The following IFNAR1 variants were observed in gnomAD, a reference collection of about 807,000 sequenced individuals.
IFNAR1 encodes the protein interferon alpha and beta receptor subunit 1.
In IFNAR1, 47 loss-of-function variants were observed where a neutral mutation model predicts 62.1. The observed-to-expected ratio is 0.76, with a 90% CI of 0.60 to 0.97. IFNAR1 has a LOEUF of 0.97. IFNAR1 is among the 50% of genes least tolerant of loss of function. The pLI is 0.00. For synonymous variants in IFNAR1, 219 were observed against 226.9 expected, an observed-to-expected ratio of 0.97 and a Z score of 0.31; for missense variants, 638 against 654.5, an observed-to-expected ratio of 0.97 and a Z score of 0.27.
At position 33,328,852 on chromosome 21, in the gene IFNAR1, T is replaced by G. The variant is rs185233422; in HGVS notation, c.76+3721T>G. On this transcript the variant is annotated intron_variant, in intron 1 of 10. Transcript: ENST00000270139. Reference sequence around the variant, plus strand: ...TATATATATTAGATTAAATGTCCATTTATACATTTACATGTGGGGTAATTA... The same window carrying G: ...TATATATATTAGATTAAATGTCCATGTATACATTTACATGTGGGGTAATTA... Among the ~76,000 whole-genome samples the G allele has an allele frequency of 4.5e-4, 69 of 152,234 alleles. 1 individual carries two copies. The East Asian group carries it at 0.012, about 27-fold the overall frequency.
chr21:33,339,449 A>G (rs898148675), intron 2 of IFNAR1, among the ~76,000 whole-genome samples: 2 of 152,208 alleles, frequency 1.3e-5, no homozygotes, highest in Non-Finnish European at 2.9e-5. Context: ...TTCAGCAACA[A>G]AATTATTTTG....
intron 1 of IFNAR1, among the ~76,000 whole-genome samples, chr21:33,331,566 G>A (rs910763735): frequency 6.6e-6 from 1 of 152,158 alleles, no homozygotes; most frequent in Admixed American, 6.5e-5. Flanking sequence ...ACACTCTGAG[G>A]AGTGGAGTCA....
chr21:33,328,211 G>A (rs17875770), intron 1 of IFNAR1, among the ~76,000 whole-genome samples: 18,249 of 152,064 alleles, frequency 0.12, 1,841 homozygotes, highest in African/African-American at 0.27. Flanking sequence ...TGTGGCCCAC[G>A]GAAGCAAAAA....
chr21:33,344,979 G>T (rs1044178786), intron 5 of IFNAR1, among the ~76,000 whole-genome samples: 4 of 151,908 alleles, frequency 2.6e-5, no homozygotes, highest in Non-Finnish European at 4.4e-5. Context: ...GTAGAAATGG[G>T]GTTTCACCAT....
chr21:33,344,956 T>G lies in IFNAR1; in HGVS notation c.674-290T>G, dbSNP rs575386838. On this transcript the variant is annotated intron_variant, in intron 5 of 10. Coordinates refer to ENST00000270139, the MANE Select transcript of IFNAR1 (RefSeq NM_000629.3). ...GCGTGTGCCATCATGCCTGGCTAAT[T>G]TTTGTATTTTTAGTAGAAATGGGGT... 1.4e-3 allele frequency among the ~76,000 whole-genome samples: 220 copies of G among 151,954 alleles called. 2 individuals carry two copies. Among genetic ancestry groups the G allele is most frequent in the African/African-American group, 5.1e-3 (213 of 41,416 alleles).
intron 2 of IFNAR1, among the ~76,000 whole-genome samples, chr21:33,338,791 G>A (rs1440562161): frequency 6.6e-6 from 1 of 150,812 alleles, no homozygotes. Flanking sequence ...TGCCCAGGCT[G>A]GAGTGCAATG....
At position 33,343,540 on chromosome 21, in the gene IFNAR1, G is replaced by C. The variant is rs777409115; in HGVS notation, c.537G>C (p.Arg179Ser). ...IWKNSSGVEE[R>S]IENIYSRHKI... ...AACTTATATTTGTGTTATAGGAAAG[G>C]ATTGAAAATATTTATTCCAGACATA... is the stretch of plus-strand genomic sequence containing the variant. The change falls in exon 5 of 11, where the codon AGG becomes AGC. Residue 179 changes from arginine (R) to serine (S), a missense_variant. Coordinates refer to ENST00000270139, the MANE Select transcript of IFNAR1 (RefSeq NM_000629.3). 2 of 1,535,734 alleles carry C rather than the reference G, an allele frequency of 1.3e-6. No homozygotes were observed. Among genetic ancestry groups the C allele is most frequent in the Non-Finnish European group, 1.8e-6 (2 of 1,114,318 alleles).
chr21:33,336,708 A>G (rs1380265886), intron 2 of IFNAR1, among the ~76,000 whole-genome samples: 1 of 147,428 alleles, frequency 6.8e-6, no homozygotes, highest in South Asian at 2.1e-4. Flanking sequence ...AGGCTTTCCT[A>G]TTATCTCCAT....
chr21:33,342,076 A>G (rs777284140), intron 3 of IFNAR1, among the ~76,000 whole-genome samples: 1 of 152,210 alleles, frequency 6.6e-6, no homozygotes, highest in Non-Finnish European at 1.5e-5. Context: ...TACAGCCCAC[A>G]TAAATAATGG....
At chr21:33,337,851 T>C (rs1286211135) in intron 2 of IFNAR1, among the ~76,000 whole-genome samples, 1 of 152,008 alleles carries the variant, frequency 6.6e-6, no homozygotes, top group Non-Finnish European at 1.5e-5. Context: ...AAATTTTTTA[T>C]CTCTAGAGAT....
chr21:33,353,028 T>G, intron 9 of IFNAR1, 120 bp downstream of exon 9: 8 of 564,798 alleles, frequency 1.4e-5, no homozygotes, highest in East Asian at 3.2e-5. Flanking sequence ...ATAGAAAGAA[T>G]GTTTTCTTCA....
chr21:33,355,603 G>T lies in IFNAR1; in HGVS notation c.*54G>T. 3.2e-6 allele frequency: 3 copies of T among 933,536 alleles called. No individual in the cohort carries two copies. The South Asian group carries it at 5.4e-5, about 17-fold the overall frequency. The allele number at this position is 933,536 out of a possible 1,614,324, so 57.8% of individuals were successfully genotyped here. Reference sequence around the variant, plus strand: ...TTTTTCAGCAGGAGTTACACTGGGAGCCTGAGGTCCTCACCTTCCTCTCAG... The same window carrying T: ...TTTTTCAGCAGGAGTTACACTGGGATCCTGAGGTCCTCACCTTCCTCTCAG... On this transcript the variant is annotated 3_prime_UTR_variant, in exon 11 of 11. Coordinates refer to ENST00000270139, the MANE Select transcript of IFNAR1 (RefSeq NM_000629.3).
rs770390659 is a variant in IFNAR1, at chr21:33,325,040, C to T, written c.-16C>T. On this transcript the variant is annotated 5_prime_UTR_variant, in exon 1 of 11. Transcript: ENST00000270139. ...TGCGCGAACATGTAACTGGTGGGAT[C>T]TGCGGCGGCTCCCAGATGATGGTCG... is the stretch of plus-strand genomic sequence containing the variant. 1 of 1,583,724 alleles carries T rather than the reference C, an allele frequency of 6.3e-7. No homozygotes were observed. Among genetic ancestry groups the T allele is most frequent in the East Asian group, 2.3e-5 (1 of 43,362 alleles).
intron 2 of IFNAR1, among the ~76,000 whole-genome samples, chr21:33,339,945 A>G (rs1037849940): frequency 6.6e-5 from 10 of 151,460 alleles, no homozygotes; most frequent in Admixed American, 2.6e-4. Context: ...AAAAAAAAAA[A>G]AAAAAGAAAT....
chr21:33,335,597 C>T lies in IFNAR1; in HGVS notation c.150C>T (p.Asn50=), dbSNP rs1471220497. 1.2e-6 allele frequency: 2 copies of T among 1,607,002 alleles called. No individual in the cohort carries two copies. The highest frequency in any genetic ancestry group is 1.7e-5 in the Admixed American group (1 of 59,192). ...IIDDNFILRW[N]RSDESVGNVT... ...ATGACAACTTTATCCTGAGGTGGAACAGGAGCGATGAGTCTGTCGGGAATG... is the reference window on the plus strand; with the variant it reads ...ATGACAACTTTATCCTGAGGTGGAATAGGAGCGATGAGTCTGTCGGGAATG... Residue 50 remains asparagine (N), a synonymous_variant, in exon 2 of 11, where the codon AAC becomes AAT. Coordinates refer to ENST00000270139, the MANE Select transcript of IFNAR1 (RefSeq NM_000629.3).
intron 6 of IFNAR1, 37 bp from the exon 7 acceptor site, chr21:33,349,054 A>T (rs2083375364): frequency 7.7e-7 from 1 of 1,303,630 alleles, no homozygotes; most frequent in Non-Finnish European, 1.1e-6. Context: ...ATACTTAATA[A>T]ATATCTAATG....
intron 6 of IFNAR1, among the ~76,000 whole-genome samples, chr21:33,346,368 G>A (rs191658383): frequency 3.9e-5 from 6 of 152,260 alleles, no homozygotes; most frequent in East Asian, 1.9e-4. Flanking sequence ...TGTAAGTACC[G>A]CTATGATCAA....
intron 1 of IFNAR1, among the ~76,000 whole-genome samples, chr21:33,332,355 G>A (rs552298140): frequency 4.6e-5 from 7 of 152,222 alleles, no homozygotes; most frequent in Non-Finnish European, 8.8e-5. Context: ...CACACCCTTC[G>A]AAACCAGCAT....
chr21:33,339,675 A>C (rs1341548647), intron 2 of IFNAR1, among the ~76,000 whole-genome samples: 1 of 151,954 alleles, frequency 6.6e-6, no homozygotes, highest in Admixed American at 6.6e-5. Flanking sequence ...TAATCCCAGC[A>C]CTTTGGGAGG....
Sources: allele counts gnomAD v4.1 joint callset (sites outside exome capture counted in the v4.1 genomes callset), GRCh38; gene constraint gnomAD v4.1.1; transcripts MANE v1.5; gene names NCBI Gene and HGNC (gene_info 2026-07-23, HGNC 2026-07-21).